Variants in SATB2 observed in about 807,000 individuals in gnomAD.
The protein encoded by SATB2 is DNA-binding protein SATB2.
Under a neutral mutation model 73.4 loss-of-function variants are expected in SATB2, and 1 was observed. The ratio of observed to expected loss-of-function variants is 0.01; its 90% CI spans 0.00 to 0.06. The LOEUF (loss-of-function observed/expected upper bound fraction) is 0.06, where lower values mean the gene tolerates loss of function less well. Among genes scored for constraint, SATB2 ranks in the 10% least tolerant of loss-of-function variants. The pLI is 1.00. For missense variants in SATB2, 459 were observed against 945.8 expected (o/e 0.49, Z 6.75); for synonymous variants, 397 against 367.0 (o/e 1.08, Z -0.93).
intron 2 of SATB2, among the ~76,000 whole-genome samples, chr2:199,452,732 T>C (rs187679097): frequency 1.3e-5 from 2 of 152,146 alleles, no homozygotes; most frequent in Admixed American, 1.3e-4. Context: ...CTCTAAACTC[T>C]CTCCTAGCCT....
intron 9 of SATB2, 74 bp downstream of exon 9, chr2:199,323,729 T>G: frequency 2.2e-6 from 3 of 1,367,826 alleles, no homozygotes; most frequent in Non-Finnish European, 3.1e-6. Flanking sequence ...TAGGAACAGA[T>G]GTATTTTTAT....
At chr2:199,391,089 T>C (rs1340423266) in intron 3 of SATB2, among the ~76,000 whole-genome samples, 3 of 152,200 alleles carry the variant, frequency 2.0e-5, no homozygotes, top group Non-Finnish European at 4.4e-5. Flanking sequence ...ACTACGGCTA[T>C]AACTGGTAGA....
intron 3 of SATB2, among the ~76,000 whole-genome samples, chr2:199,414,457 G>C (rs1433540212): frequency 6.6e-6 from 1 of 152,170 alleles, no homozygotes; most frequent in African/African-American, 2.4e-5. Flanking sequence ...CACAGCAGAT[G>C]ATTAATAGTC....
intron 7 of SATB2, among the ~76,000 whole-genome samples, chr2:199,334,246 T>C (rs574578646): frequency 6.6e-5 from 10 of 152,136 alleles, no homozygotes; most frequent in African/African-American, 1.2e-4. Context: ...TTGGACTAGA[T>C]AGAGAAAATA....
At chr2:199,393,519 T>C (rs1690209446) in intron 3 of SATB2, among the ~76,000 whole-genome samples, 1 of 151,998 alleles carries the variant, frequency 6.6e-6, no homozygotes, top group East Asian at 1.9e-4. Context: ...CTCAACCAAA[T>C]CTTGTGGAAT....
chr2:199,380,350 C>T lies in SATB2; in HGVS notation c.597+14G>A. On this transcript the variant is annotated intron_variant, in intron 5 of 10. Transcript: ENST00000417098. ...CTTCTTCTGTTTCCCAGACCCCCAC[C>T]TGAAGATACTGACCTGGGAGAGAGG... is the stretch of plus-strand genomic sequence containing the variant. 6.2e-7 allele frequency: 1 copy of T among 1,613,914 alleles called. No homozygotes were observed. The highest frequency in any genetic ancestry group is 8.5e-7 in the Non-Finnish European group (1 of 1,179,810).
intron 7 of SATB2, among the ~76,000 whole-genome samples, chr2:199,338,656 G>A (rs545333470): frequency 5.3e-5 from 8 of 152,204 alleles, no homozygotes; most frequent in South Asian, 2.1e-4. Context: ...GATGGCTCAC[G>A]CCTGTAATCC....
intron 7 of SATB2, among the ~76,000 whole-genome samples, chr2:199,340,342 C>T (rs1302721070): frequency 1.3e-5 from 2 of 152,130 alleles, no homozygotes; most frequent in Non-Finnish European, 2.9e-5. Context: ...TCACGTAAGA[C>T]CAGGATGCAC....
At chr2:199,360,301 T>C (rs1689098771) in intron 6 of SATB2, among the ~76,000 whole-genome samples, 1 of 152,132 alleles carries the variant, frequency 6.6e-6, no homozygotes, top group African/African-American at 2.4e-5. Flanking sequence ...ATCACATCTA[T>C]GTTTTTGAGT....
At chr2:199,277,291 A>C (rs781487806) in intron 10 of SATB2, among the ~76,000 whole-genome samples, 10 of 152,194 alleles carry the variant, frequency 6.6e-5, no homozygotes, top group Non-Finnish European at 1.5e-4. Context: ...AGATTATCAA[A>C]CTGTACAATT....
At chr2:199,389,187 GA>G (rs538551038) in intron 3 of SATB2, among the ~76,000 whole-genome samples, 3 of 151,712 alleles carry the variant, frequency 2.0e-5, no homozygotes, top group African/African-American at 7.3e-5. Flanking sequence ...TGAGGAAAAA[GA>G]AAAAAAGGTG....
At position 199,433,613 on chromosome 2, in the gene SATB2, T is replaced by G. The variant is rs1691568933; in HGVS notation, c.170-99A>C. 2.7e-6 allele frequency: 3 copies of G among 1,112,602 alleles called. No homozygotes were observed. The South Asian group carries it at 3.8e-5, about 14-fold the overall frequency. The allele number at this position is 1,112,602 out of a possible 1,614,324, so 68.9% of individuals were successfully genotyped here. A position where few individuals can be genotyped will look rare whatever the true frequency, so the allele number is the denominator to read the frequency against. ...GCAACAGTTATAAAAGTCAGTCATCTGTGATCGACAGTGGTTTAGATTAAA... is the reference window on the plus strand; with the variant it reads ...GCAACAGTTATAAAAGTCAGTCATCGGTGATCGACAGTGGTTTAGATTAAA... On this transcript the variant is annotated intron_variant, in intron 2 of 10. Transcript: ENST00000417098.
chr2:199,312,215 T>C (rs919089049), intron 9 of SATB2, among the ~76,000 whole-genome samples: 4 of 152,234 alleles, frequency 2.6e-5, no homozygotes, highest in South Asian at 2.1e-4. Context: ...CTCTGTGTTA[T>C]GTGGAGCATT....
At chr2:199,403,310 T>G (rs1459065056) in intron 3 of SATB2, among the ~76,000 whole-genome samples, 1 of 151,762 alleles carries the variant, frequency 6.6e-6, no homozygotes, top group African/African-American at 2.4e-5. Context: ...AGTGAAAAAC[T>G]TATTGTATTG....
chr2:199,324,231 T>C (rs1055657596), intron 8 of SATB2, among the ~76,000 whole-genome samples: 4 of 152,096 alleles, frequency 2.6e-5, no homozygotes, highest in Admixed American at 2.0e-4. Context: ...CACCAAACTA[T>C]AAGCAACCAT....
chr2:199,361,852 G>T (rs754265912), intron 6 of SATB2, among the ~76,000 whole-genome samples: 20 of 151,030 alleles, frequency 1.3e-4, no homozygotes, highest in South Asian at 8.4e-4. Context: ...CCACTTCCTG[G>T]GTTCAAGCGA....
chr2:199,280,035 G>C (rs901215008), intron 10 of SATB2, among the ~76,000 whole-genome samples: 1 of 152,170 alleles, frequency 6.6e-6, no homozygotes, highest in African/African-American at 2.4e-5. Context: ...CAGCTACTTG[G>C]GTGTTGCGGG....
At chr2:199,384,046 T>A (rs1267163685) in intron 3 of SATB2, among the ~76,000 whole-genome samples, 2 of 152,116 alleles carry the variant, frequency 1.3e-5, no homozygotes, top group African/African-American at 4.8e-5. Context: ...TATACCTCAA[T>A]TTTTTAGAGA....
upstream of SATB2, chr2:199,458,626 G>T (rs1465569671): frequency 9.1e-6 from 4 of 437,700 alleles, no homozygotes; most frequent in Non-Finnish European, 1.8e-5. Flanking sequence ...GCAGTCGCTG[G>T]GTGCCGCGTC....
Sources: allele counts gnomAD v4.1 joint callset (sites outside exome capture counted in the v4.1 genomes callset), GRCh38; gene constraint gnomAD v4.1.1; transcripts MANE v1.5; gene names NCBI Gene and HGNC (gene_info 2026-07-23, HGNC 2026-07-21).